The following CPS1 variants were observed in gnomAD, a reference collection of about 807,000 sequenced individuals.
The protein encoded by CPS1 is carbamoyl-phosphate synthase [ammonia], mitochondrial.
A neutral mutation model predicts 174.6 loss-of-function variants in CPS1; 109 were observed. That is an observed-to-expected ratio of 0.62 (90% CI 0.53 to 0.73). The LOEUF (loss-of-function observed/expected upper bound fraction) is 0.73, where lower values mean the gene tolerates loss of function less well. Ranked by LOEUF, CPS1 falls within the 30% of genes least tolerant of loss-of-function variation. CPS1 has a pLI of 0.00. For missense variants in CPS1, 1,689 were observed against 1,821.9 expected, an observed-to-expected ratio of 0.93 and a Z score of 1.33; for synonymous variants, 637 against 632.0, an observed-to-expected ratio of 1.01 and a Z score of -0.12.
Position 210,612,059 on chromosome 2 carries a change from C to T in CPS1, c.2392-58C>T, listed in dbSNP as rs556422356. On this transcript the variant is annotated intron_variant, in intron 19 of 37. Coordinates refer to ENST00000233072, the MANE Select transcript of CPS1 (RefSeq NM_001875.5). ...ATATATTTTACGTCCAGTTCAGTTA[C>T]AAATTAAAGATACATAAGCTCTTTC... 4.1e-6 allele frequency: 6 copies of T among 1,481,110 alleles called. No homozygotes were observed. In the African/African-American group the frequency reaches 5.6e-5, roughly 14 times the overall value. 91.7% of individuals were successfully genotyped at this position (1,481,110 alleles called of 1,614,324 possible). A position where few individuals can be genotyped will look rare whatever the true frequency, so the allele number is the denominator to read the frequency against.
intron 1 of CPS1, among the ~76,000 whole-genome samples, chr2:210,516,656 A>T (rs1001650294): frequency 1.3e-5 from 2 of 151,804 alleles, no homozygotes; most frequent in African/African-American, 4.8e-5. Flanking sequence ...GATGATTTGA[A>T]CTCTGGTTAT....
intron 1 of CPS1, among the ~76,000 whole-genome samples, chr2:210,513,520 GT>G: frequency 6.6e-6 from 1 of 151,706 alleles, no homozygotes; most frequent in African/African-American, 2.4e-5. Flanking sequence ...TCTGTTGCCT[GT>G]TTTTTAATGG....
At chr2:210,643,536 G>A (rs4482415) in intron 25 of CPS1, among the ~76,000 whole-genome samples, 2,106 of 152,108 alleles carry the variant, frequency 0.014, 33 homozygotes, top group Non-Finnish European at 0.021. Flanking sequence ...TAAATTCTCC[G>A]TGCTTTATCT....
At chr2:210,533,945 A>G (rs76202373) in intron 1 of CPS1, among the ~76,000 whole-genome samples, 1,747 of 152,320 alleles carry the variant, frequency 0.011, 23 homozygotes, top group African/African-American at 0.036. Context: ...CAGGGCAACC[A>G]ATCACTAGAA....
intron 1 of CPS1, among the ~76,000 whole-genome samples, chr2:210,546,521 A>G (rs2106020119): frequency 6.6e-6 from 1 of 152,260 alleles, no homozygotes; most frequent in East Asian, 1.9e-4. Flanking sequence ...CATAAAGTTC[A>G]TTAAAAGAGT....
intron 1 of CPS1, among the ~76,000 whole-genome samples, chr2:210,563,276 T>C (rs1392311400): frequency 6.6e-6 from 1 of 152,178 alleles, no homozygotes; most frequent in Non-Finnish European, 1.5e-5. Flanking sequence ...CGACACAAAT[T>C]TGATTTTTCC....
At chr2:210,534,687 T>A (rs149163888) in intron 1 of CPS1, among the ~76,000 whole-genome samples, 35 of 152,348 alleles carry the variant, frequency 2.3e-4, no homozygotes, top group African/African-American at 7.9e-4. Context: ...TTTATTTTTC[T>A]GTTACTGAAC....
chr2:210,561,172 A>C (rs1369698454), intron 1 of CPS1, among the ~76,000 whole-genome samples: 1 of 152,152 alleles, frequency 6.6e-6, no homozygotes, highest in East Asian at 1.9e-4. Flanking sequence ...AAACTCTTGA[A>C]AAAACTATAG....
chr2:210,633,961 C>T (rs948360027), intron 21 of CPS1, among the ~76,000 whole-genome samples: 1 of 152,146 alleles, frequency 6.6e-6, no homozygotes, highest in African/African-American at 2.4e-5. Context: ...GGATTTTAGT[C>T]ATTTAAGTAA....
At chr2:210,510,786 A>G (rs1695446403) in intron 1 of CPS1, among the ~76,000 whole-genome samples, 1 of 152,236 alleles carries the variant, frequency 6.6e-6, no homozygotes, top group Non-Finnish European at 1.5e-5. Flanking sequence ...AAAAATGCTC[A>G]TCATCACTGG....
At chr2:210,559,487 T>G (rs1401229474) in intron 1 of CPS1, among the ~76,000 whole-genome samples, 1 of 152,140 alleles carries the variant, frequency 6.6e-6, no homozygotes, top group East Asian at 1.9e-4. Flanking sequence ...CACAGTTGTA[T>G]TTTACTTACA....
chr2:210,575,761 C>T (rs887521403), intron 2 of CPS1, among the ~76,000 whole-genome samples: 2 of 151,742 alleles, frequency 1.3e-5, no homozygotes, highest in Admixed American at 1.3e-4. Flanking sequence ...TTTTAAAAAT[C>T]AACTTTATTG....
chr2:210,535,448 TTTA>T (rs2106005597), intron 1 of CPS1, among the ~76,000 whole-genome samples: 1 of 152,316 alleles, frequency 6.6e-6, no homozygotes, highest in South Asian at 2.1e-4. Context: ...TCATCCCTTC[TTTA>T]AGTTTTATAC....
At chr2:210,577,982 G>C (rs1031379008) in intron 4 of CPS1, among the ~76,000 whole-genome samples, 2 of 151,874 alleles carry the variant, frequency 1.3e-5, no homozygotes, top group Non-Finnish European at 2.9e-5. Context: ...AGTATAAGCA[G>C]ATTACCATCA....
At chr2:210,576,236 G>C (rs1287947553) in intron 2 of CPS1, 110 bp from the exon 3 acceptor site, 1 of 1,192,928 alleles carries the variant, frequency 8.4e-7, no homozygotes, top group South Asian at 1.2e-5. Flanking sequence ...AGACATTCTT[G>C]TTGGATTCTT....
intron 1 of CPS1, among the ~76,000 whole-genome samples, chr2:210,545,491 A>T (rs182313652): frequency 6.6e-6 from 1 of 151,950 alleles, no homozygotes; most frequent in African/African-American, 2.4e-5. Flanking sequence ...TAAATGTATG[A>T]ATTTATACAT....
chr2:210,523,038 A>G (rs1695869959), intron 1 of CPS1, among the ~76,000 whole-genome samples: 1 of 152,054 alleles, frequency 6.6e-6, no homozygotes, highest in Non-Finnish European at 1.5e-5. Flanking sequence ...AAAGAACTGA[A>G]TTAGAAAATG....
At chr2:210,585,687 T>C (rs1354453298) in intron 6 of CPS1, among the ~76,000 whole-genome samples, 1 of 152,056 alleles carries the variant, frequency 6.6e-6, no homozygotes, top group Non-Finnish European at 1.5e-5. Flanking sequence ...CTAACAGTTA[T>C]ACTATTAGTA....
At chr2:210,483,806 A>G (rs1472285497) in intron 1 of CPS1, among the ~76,000 whole-genome samples, 1 of 152,198 alleles carries the variant, frequency 6.6e-6, no homozygotes, top group East Asian at 1.9e-4. Flanking sequence ...ACCTGTTTCC[A>G]TGTATCTTGT....
Sources: allele counts gnomAD v4.1 joint callset (sites outside exome capture counted in the v4.1 genomes callset), GRCh38; gene constraint gnomAD v4.1.1; transcripts MANE v1.5; gene names NCBI Gene and HGNC (gene_info 2026-07-23, HGNC 2026-07-21).